The following FRMD4B variants were observed in gnomAD, a reference collection of about 807,000 sequenced individuals.
FRMD4B encodes FERM domain-containing protein 4B.
In FRMD4B, 74 loss-of-function variants were observed where a neutral mutation model predicts 141.5. The observed-to-expected ratio is 0.52, with a 90% confidence interval of 0.43 to 0.63. The LOEUF (loss-of-function observed/expected upper bound fraction) is 0.63, where lower values mean the gene tolerates loss of function less well. FRMD4B is among the 30% of genes least tolerant of loss of function. The pLI is 0.00. For missense variants in FRMD4B, 1,366 were observed against 1,253.4 expected (o/e 1.09, Z -1.36); for synonymous variants, 506 against 467.9 (o/e 1.08, Z -1.05).
At chr3:69,379,800 C>T (rs953471960) in intron 1 of FRMD4B, among the ~76,000 whole-genome samples, 7 of 152,178 alleles carry the variant, frequency 4.6e-5, no homozygotes, top group Admixed American at 4.6e-4. Flanking sequence ...GACACAACTG[C>T]TCAATCTTGC....
At chr3:69,441,518 T>A (rs1220980892) in intron 1 of FRMD4B, among the ~76,000 whole-genome samples, 1 of 152,200 alleles carries the variant, frequency 6.6e-6, no homozygotes, top group Non-Finnish European at 1.5e-5. Flanking sequence ...AGCTTCTTTA[T>A]TTCTTCACAG....
At chr3:69,378,361 G>A (rs2128972) in intron 1 of FRMD4B, among the ~76,000 whole-genome samples, 142,272 of 152,268 alleles carry the variant, frequency 0.93, 66,470 homozygotes, top group East Asian at 0.97. Flanking sequence ...TAACTGCTAG[G>A]ACCAGACTCT....
intron 1 of FRMD4B, among the ~76,000 whole-genome samples, chr3:69,335,152 G>A (rs1237664781): frequency 6.6e-6 from 1 of 152,128 alleles, no homozygotes; most frequent in African/African-American, 2.4e-5. Flanking sequence ...TTCAGCTTGG[G>A]TGACAGAGTG....
At chr3:69,276,236 G>A (rs2106960722) in intron 5 of FRMD4B, among the ~76,000 whole-genome samples, 1 of 152,254 alleles carries the variant, frequency 6.6e-6, no homozygotes, top group East Asian at 1.9e-4. Context: ...CCAAAGAATA[G>A]ATCCCTACAG....
intron 1 of FRMD4B, among the ~76,000 whole-genome samples, chr3:69,515,720 A>G (rs1445295026): frequency 2.0e-5 from 3 of 152,214 alleles, no homozygotes; most frequent in Admixed American, 6.5e-5. Context: ...TTTAATTAAT[A>G]AAGAAACCAG....
rs111648423 is a variant in FRMD4B, at chr3:69,200,737, T to G, written c.877-1963A>C. 595 of 1,015,616 alleles carry G rather than the reference T, an allele frequency of 5.9e-4. 1 individual carries two copies. The African/African-American group carries it at 0.01, about 18-fold the overall frequency. 62.9% of individuals were successfully genotyped at this position (1,015,616 alleles called of 1,614,324 possible). ...GATTTGCCTGATACTTCCTAGGAAG[T>G]AAGTTGCTTTGAATCCAAGGACGAA... On this transcript the variant is annotated intron_variant, in intron 11 of 22. Transcript: ENST00000398540.
intron 2 of FRMD4B, among the ~76,000 whole-genome samples, chr3:69,431,766 G>C (rs1395511479): frequency 6.6e-6 from 1 of 152,158 alleles, no homozygotes; most frequent in African/African-American, 2.4e-5. Context: ...TCCAGCAGGC[G>C]CCAGCATGTG....
chr3:69,424,551 A>G (rs1705045932), intron 2 of FRMD4B, among the ~76,000 whole-genome samples: 1 of 152,226 alleles, frequency 6.6e-6, no homozygotes, highest in South Asian at 2.1e-4. Context: ...CCACAGACAA[A>G]GAGGGATGGG....
chr3:69,324,864 G>A (rs142381486), intron 1 of FRMD4B, among the ~76,000 whole-genome samples: 20 of 71,510 alleles, frequency 2.8e-4, no homozygotes, highest in African/African-American at 6.0e-4. Context: ...AGGCTGAGGC[G>A]GGGGGGGATT....
At chr3:69,217,802 C>T (rs2093156481) in intron 10 of FRMD4B, among the ~76,000 whole-genome samples, 1 of 152,084 alleles carries the variant, frequency 6.6e-6, no homozygotes, top group South Asian at 2.1e-4. Flanking sequence ...ACAAGATATC[C>T]TTAACACTTT....
intron 1 of FRMD4B, among the ~76,000 whole-genome samples, chr3:69,519,606 T>A (rs568636630): frequency 6.6e-6 from 1 of 152,306 alleles, no homozygotes; most frequent in African/African-American, 2.4e-5. Context: ...GCTTCCCTAA[T>A]GTTTCTAGAA....
chr3:69,528,737 G>C (rs1236257439), intron 1 of FRMD4B, among the ~76,000 whole-genome samples: 1 of 151,706 alleles, frequency 6.6e-6, no homozygotes, highest in Non-Finnish European at 1.5e-5. Context: ...GTATTTATCT[G>C]AGAGGTCATC....
intron 1 of FRMD4B, among the ~76,000 whole-genome samples, chr3:69,450,474 T>C (rs1705477173): frequency 6.6e-6 from 1 of 151,160 alleles, no homozygotes; most frequent in Non-Finnish European, 1.5e-5. Context: ...CAAAATAGGC[T>C]GGGGGTGGTG....
intron 1 of FRMD4B, among the ~76,000 whole-genome samples, chr3:69,340,708 A>G (rs1027008708): frequency 6.6e-5 from 10 of 152,196 alleles, no homozygotes. Context: ...TGATGTACAT[A>G]GAGTGTTTCG....
intron 1 of FRMD4B, among the ~76,000 whole-genome samples, chr3:69,329,516 ATT>A (rs10554375): frequency 9.0e-5 from 5 of 55,574 alleles, no homozygotes; most frequent in East Asian, 1.0e-3. Flanking sequence ...TGCCCAGCTA[ATT>A]TTTTTTTTTT....
intron 1 of FRMD4B, among the ~76,000 whole-genome samples, chr3:69,367,847 A>G (rs1355554936): frequency 6.6e-6 from 1 of 152,248 alleles, no homozygotes; most frequent in African/African-American, 2.4e-5. Flanking sequence ...ATAGAGAACA[A>G]ATATCTTACA....
At chr3:69,463,421 G>C (rs1485746652) in intron 1 of FRMD4B, among the ~76,000 whole-genome samples, 1 of 152,014 alleles carries the variant, frequency 6.6e-6, no homozygotes, top group East Asian at 1.9e-4. Context: ...CCACTTCCAG[G>C]GTAGACCAAA....
intron 1 of FRMD4B, among the ~76,000 whole-genome samples, chr3:69,495,486 C>G (rs1162663590): frequency 6.6e-6 from 1 of 152,184 alleles, no homozygotes. Context: ...CTGTGTCACT[C>G]TCTATCGTTG....
chr3:69,283,934 T>C (rs1222917956), intron 5 of FRMD4B, among the ~76,000 whole-genome samples: 1 of 149,428 alleles, frequency 6.7e-6, no homozygotes, highest in Non-Finnish European at 1.5e-5. Flanking sequence ...TAACAGGGAC[T>C]GAATTTATCC....
Sources: gnomAD v4.1 joint callset for allele counts (sites outside exome capture counted in the v4.1 genomes callset) on GRCh38, gnomAD v4.1.1 for gene constraint, MANE v1.5 for transcripts, NCBI Gene and HGNC (gene_info 2026-07-23, HGNC 2026-07-21) for gene names.